CXorf65: variants seen among roughly 807,000 people sequenced by gnomAD.
CXorf65 encodes uncharacterized protein CXorf65.
For missense variants in CXorf65, 137 were observed against 144.7 expected (o/e 0.95, Z 0.27); for synonymous variants, 54 against 51.4 (o/e 1.05, Z -0.21).
chrX:71,104,274 C>T, intron 5 of CXorf65, 24 bp downstream of exon 5: 2 of 1,141,337 alleles, frequency 1.8e-6, no homozygotes, highest in Non-Finnish European at 2.4e-6. Flanking sequence ...GGTGCTGGGG[C>T]AGATCACATT....
At position 71,103,997 on chromosome X, in the gene CXorf65, T is replaced by C; in HGVS notation, c.542A>G (p.Gln181Arg). The C allele has an allele frequency of 2.5e-6, 3 of 1,209,566 alleles. No individual in the cohort carries two copies. The highest frequency in any genetic ancestry group is 3.4e-6 in the Non-Finnish European group (3 of 894,273). Reference sequence around the variant, plus strand: ...ATTTCACACCTAGTATTACTTCTTTTGCTTGGTGGTTTTATTGAGTTGGCG... The same window carrying C: ...ATTTCACACCTAGTATTACTTCTTTCGCTTGGTGGTTTTATTGAGTTGGCG... ...KGRQLNKTTKQKK is the reference protein window; with the variant it reads ...KGRQLNKTTKRKK The change falls in exon 6 of 6, where the codon CAA becomes CGA. Residue 181 changes from glutamine to arginine, a missense_variant. Physicochemically the swap from Gln to Arg is conservative, Grantham distance 43. Coordinates refer to ENST00000374251, the MANE Select transcript of CXorf65 (RefSeq NM_001025265.3).
chrX:71,106,725 G>A lies in CXorf65; in HGVS notation c.-169C>T, dbSNP rs946841069. On this transcript the variant is annotated 5_prime_UTR_variant, in exon 1 of 6. Coordinates refer to ENST00000374251, the MANE Select transcript of CXorf65 (RefSeq NM_001025265.3). ...CAGGCTGGACAGGCAGGAGAGAGCT[G>A]TTGATAGTTGTGGATAACCAGTATC... is the stretch of plus-strand genomic sequence containing the variant. 4.6e-5 allele frequency: 51 copies of A among 1,111,613 alleles called. No individual in the cohort carries two copies. In the African/African-American group the frequency reaches 8.7e-4, roughly 19 times the overall value. 91.6% of individuals were successfully genotyped at this position (1,111,613 alleles called of 1,213,427 possible).
intron 1 of CXorf65, 36 bp downstream of exon 1, chrX:71,106,496 C>T: frequency 8.3e-7 from 1 of 1,206,291 alleles, no homozygotes; most frequent in Non-Finnish European, 1.1e-6. Context: ...TCCCTCCACC[C>T]CCATCCACAG....
intron 2 of CXorf65, 29 bp downstream of exon 2, chrX:71,106,311 G>A: frequency 8.6e-7 from 1 of 1,158,478 alleles, no homozygotes; most frequent in Non-Finnish European, 1.2e-6. Flanking sequence ...CTGACCTTTG[G>A]CCATTAGTCC....
Position 71,106,681 on chromosome X carries a change from T to A in CXorf65, c.-125A>T. Reference sequence around the variant, plus strand: ...TGGTGGACTAGAGAGGCAGATGGATTTCATAGGCTGAGGATGCCCAGGCTG... The same window carrying A: ...TGGTGGACTAGAGAGGCAGATGGATATCATAGGCTGAGGATGCCCAGGCTG... On this transcript the variant is annotated 5_prime_UTR_variant, in exon 1 of 6. Coordinates refer to ENST00000374251, the MANE Select transcript of CXorf65 (RefSeq NM_001025265.3). 8.5e-7 allele frequency: 1 copy of A among 1,179,857 alleles called. No homozygotes were observed. The highest frequency in any genetic ancestry group is 1.8e-5 in the African/African-American group (1 of 57,087).
chrX:71,104,028 T>C lies in CXorf65; in HGVS notation c.511A>G (p.Lys171Glu). The C allele has an allele frequency of 8.3e-7, 1 of 1,209,760 alleles. No homozygotes were observed. The highest frequency in any genetic ancestry group is 3.0e-5 in the East Asian group (1 of 33,806). The change falls in exon 6 of 6, where the codon AAA becomes GAA. Residue 171 changes from lysine (K) to glutamate (E), a missense_variant. Transcript: ENST00000374251. ...FRNRPDFRKN[K>E]GRQLNKTTKQ... ...GTGGTTTTATTGAGTTGGCGACCTT[T>C]ATTCTTCCTGAAGTCTGGTCTGTTC...
Position 71,103,967 on chromosome X carries a change from C to T in CXorf65, c.*20G>A, listed in dbSNP as rs1461046025. Reference sequence around the variant, plus strand: ...GAAAAAGAAATCTCACGTTAAATTCCAGTAATTTCACACCTAGTATTACTT... The same window carrying T: ...GAAAAAGAAATCTCACGTTAAATTCTAGTAATTTCACACCTAGTATTACTT... On this transcript the variant is annotated 3_prime_UTR_variant, in exon 6 of 6. Coordinates refer to ENST00000374251, the MANE Select transcript of CXorf65 (RefSeq NM_001025265.3). The T allele has an allele frequency of 2.5e-6, 3 of 1,198,728 alleles. No individual in the cohort carries two copies. In the African/African-American group the frequency reaches 5.3e-5, roughly 21 times the overall value.
At position 71,106,537 on chromosome X, in the gene CXorf65, T is replaced by C; in HGVS notation, c.20A>G (p.His7Arg). Reference protein sequence around the residue: MFIFIKHGDNQQFLVNT... With the variant: MFIFIKRGDNQQFLVNT... The stretch of plus-strand genomic sequence containing the variant: ...AGTTCTGTGCTGCCCCTCACCTCCA[T>C]GTTTGATGAAGATGAACATGCCCTC... The change falls in exon 1 of 6, where the codon CAT becomes CGT. Residue 7 changes from histidine (H) to arginine (R), a missense_variant. Physicochemically the swap from His to Arg is conservative, Grantham distance 29. Coordinates refer to ENST00000374251, the MANE Select transcript of CXorf65 (RefSeq NM_001025265.3). 5.8e-6 allele frequency: 7 copies of C among 1,210,755 alleles called. No homozygotes were observed. The highest frequency in any genetic ancestry group is 7.8e-6 in the Non-Finnish European group (7 of 894,893).
At chrX:71,105,567 CAAAAAA>C (rs36081226) in intron 3 of CXorf65, among the ~76,000 whole-genome samples, 2 of 74,985 alleles carry the variant, frequency 2.7e-5, no homozygotes, top group Admixed American at 1.6e-4. Flanking sequence ...AACTCTGTCC[CAAAAAA>C]AAAAAAAAAA....
chrX:71,105,046 CA>C (rs1247582927), intron 3 of CXorf65, among the ~76,000 whole-genome samples: 2 of 109,362 alleles, frequency 1.8e-5, no homozygotes, highest in East Asian at 5.8e-4. Context: ...CTAGCCTGGC[CA>C]ATTTGGTGAA....
At position 71,106,106 on chromosome X, in the gene CXorf65, T is replaced by C. The variant is rs762962346; in HGVS notation, c.144A>G (p.Lys48=). The C allele has an allele frequency of 8.3e-7, 1 of 1,211,017 alleles. No homozygotes were observed. The highest frequency in any genetic ancestry group is 1.8e-5 in the South Asian group (1 of 56,955). ...GCTTCATCAGGAAAAGCATCTTCAT[T>C]TTCCCCGTTTGTTCACACAAATCGA... The part of the protein sequence containing the change: ...NTIDLCEQTG[K]MKMLFLMKPN... The change falls in exon 3 of 6, where the codon AAA becomes AAG. Residue 48 remains lysine, a synonymous_variant. Transcript: ENST00000374251.
chrX:71,106,486 T>A (rs1300850661), intron 1 of CXorf65, 46 bp downstream of exon 1: 3 of 1,199,824 alleles, frequency 2.5e-6, no homozygotes, highest in Non-Finnish European at 3.4e-6. Context: ...TGCCCTCAGA[T>A]CCCTCCACCC....
rs184815664 is a variant in CXorf65 at position 71,106,051 on chromosome X, G to A, written c.199C>T (p.Leu67Phe). The A allele has an allele frequency of 7.6e-5, 92 of 1,209,220 alleles. No individual in the cohort carries two copies. In the East Asian group the frequency reaches 2.6e-3, roughly 34 times the overall value. Reference sequence around the variant, plus strand: ...ACGTAGTAGGTGCTTCGAGCTGTAAGGTATTTGCTGGCATACTCTGCATGA... The same window carrying A: ...ACGTAGTAGGTGCTTCGAGCTGTAAAGTATTTGCTGGCATACTCTGCATGA... ...PNHAEYASKY[L>F]TARSTYYVCK... Residue 67 changes from leucine (L) to phenylalanine (F), a missense_variant, in exon 3 of 6, where the codon CTT becomes TTT. Physicochemically the swap from Leu to Phe is conservative, Grantham distance 22. Transcript: ENST00000374251.
Position 71,106,443 on chromosome X carries a change from T to C in CXorf65, c.26-17A>G, listed in dbSNP as rs369542693. On this transcript the variant is annotated splice_polypyrimidine_tract_variant and intron_variant, in intron 1 of 5. Coordinates refer to ENST00000374251, the MANE Select transcript of CXorf65 (RefSeq NM_001025265.3). ...GCTGATTATCTGAGAAGAGATAGGA[T>C]GGGACACATGGGCCCATTTCTGTGA... The C allele has an allele frequency of 1.2e-3, 1,417 of 1,191,348 alleles. 3 individuals are homozygous for C. Among genetic ancestry groups the C allele is most frequent in the Non-Finnish European group, 1.5e-3 (1,310 of 878,223 alleles).
chrX:71,105,571 A>C (rs1209605496), intron 3 of CXorf65, among the ~76,000 whole-genome samples: 2 of 46,774 alleles, frequency 4.3e-5, no homozygotes, highest in Admixed American at 1.8e-4. Flanking sequence ...CTGTCCCAAA[A>C]AAAAAAAAAA....
chrX:71,106,062 G>C lies in CXorf65; in HGVS notation c.188C>G (p.Ala63Gly), dbSNP rs368758032. ...FLMKPNHAEYASKYLTARSTY... is the reference protein window; with the variant it reads ...FLMKPNHAEYGSKYLTARSTY... ...GCTTCGAGCTGTAAGGTATTTGCTG[G>C]CATACTCTGCATGATTGGGCTTCAT... is the stretch of plus-strand genomic sequence containing the variant. The change falls in exon 3 of 6, where the codon GCC becomes GGC. Residue 63 changes from alanine (A) to glycine (G), a missense_variant. Coordinates refer to ENST00000374251, the MANE Select transcript of CXorf65 (RefSeq NM_001025265.3). 68 of 1,208,370 alleles carry C rather than the reference G, an allele frequency of 5.6e-5. No homozygotes were observed. The highest frequency in any genetic ancestry group is 7.3e-5 in the Non-Finnish European group (65 of 893,945).
chrX:71,104,559 C>G, intron 4 of CXorf65, 155 bp from the exon 5 acceptor site: 1 of 502,214 alleles, frequency 2.0e-6, no homozygotes, highest in African/African-American at 2.4e-5. Context: ...AGAAGATGGC[C>G]AAGAAATGGG....
At chrX:71,104,261 G>A (rs1474223113) in intron 5 of CXorf65, 37 bp downstream of exon 5, 7 of 1,110,442 alleles carry the variant, frequency 6.3e-6, no homozygotes, top group South Asian at 5.6e-5. Context: ...GTAGGGAGAG[G>A]GGGGTGCTGG....
chrX:71,104,715 C>T, intron 4 of CXorf65, 54 bp downstream of exon 4: 1 of 1,083,649 alleles, frequency 9.2e-7, no homozygotes, highest in Non-Finnish European at 1.3e-6. Flanking sequence ...TTCTCCATCA[C>T]ACAGCTATAT....
Sources: allele counts gnomAD v4.1 joint callset (sites outside exome capture counted in the v4.1 genomes callset), GRCh38; gene constraint gnomAD v4.1.1; transcripts MANE v1.5; gene names NCBI Gene and HGNC (gene_info 2026-07-23, HGNC 2026-07-21).